Variants in HSF5 observed in about 807,000 individuals in gnomAD.
HSF5 encodes the protein heat shock factor protein 5.
HSF5 carries 5 observed loss-of-function variants against 50.8 expected under a neutral mutation model. That is an observed-to-expected ratio of 0.10 (90% CI 0.05 to 0.21). HSF5 has a LOEUF of 0.21. Ranked by LOEUF, HSF5 falls within the 10% of genes least tolerant of loss-of-function variation. The probability of loss-of-function intolerance (pLI) is 1.00; values close to 1 mark genes in which losing one functional copy is unlikely to be tolerated. For missense variants in HSF5, 564 were observed against 762.6 expected, an observed-to-expected ratio of 0.74 and a Z score of 3.07; for synonymous variants, 307 against 307.4, an observed-to-expected ratio of 1.00 and a Z score of 0.02.
At chr17:58,431,645 T>C (rs377686718) in intron 5 of HSF5, among the ~76,000 whole-genome samples, 4 of 152,318 alleles carry the variant, frequency 2.6e-5, no homozygotes, top group South Asian at 4.1e-4. Context: ...CAGAGCATGG[T>C]AATGAGATAT....
rs188691728 is a variant in HSF5, at chr17:58,420,379, T to G, written c.*1981A>C. ...TTGATAGATACAAGGCGTGTAAGGATAGCAGGAGATCCAGCTCCTTGGTCT... is the reference window on the plus strand; with the variant it reads ...TTGATAGATACAAGGCGTGTAAGGAGAGCAGGAGATCCAGCTCCTTGGTCT... On this transcript the variant is annotated 3_prime_UTR_variant, in exon 6 of 6. Coordinates refer to ENST00000323777, the MANE Select transcript of HSF5 (RefSeq NM_001080439.3). 3 of 152,334 alleles carry G rather than the reference T, an allele frequency of 2.0e-5. No individual in the cohort carries two copies. The highest frequency in any genetic ancestry group is 2.0e-4 in the Admixed American group (3 of 15,304). 9.4% of individuals were successfully genotyped at this position (152,334 alleles called of 1,614,324 possible).
At chr17:58,480,395 G>T in intron 1 of HSF5, 128 bp from the exon 2 acceptor site, 1 of 737,928 alleles carries the variant, frequency 1.4e-6, no homozygotes, top group East Asian at 3.1e-5. Context: ...GTTTAGGTTT[G>T]GTAAAAACAA....
At chr17:58,446,360 A>G (rs1460362967) in intron 5 of HSF5, among the ~76,000 whole-genome samples, 1 of 152,166 alleles carries the variant, frequency 6.6e-6, no homozygotes, top group Non-Finnish European at 1.5e-5. Flanking sequence ...CATTGCCCAG[A>G]GCACCCTACC....
chr17:58,466,763 G>T, intron 3 of HSF5, 122 bp downstream of exon 3: 1 of 648,966 alleles, frequency 1.5e-6, no homozygotes, highest in Non-Finnish European at 2.8e-6. Flanking sequence ...AGAAAACAAA[G>T]CCCATTAATC....
At chr17:58,487,040 T>G (rs1474018510) in intron 1 of HSF5, among the ~76,000 whole-genome samples, 2 of 151,796 alleles carry the variant, frequency 1.3e-5, no homozygotes, top group Non-Finnish European at 2.9e-5. Context: ...CCTAAGTAGC[T>G]GGGATTACAG....
chr17:58,471,575 C>T (rs984079102), intron 2 of HSF5, among the ~76,000 whole-genome samples: 1 of 151,750 alleles, frequency 6.6e-6, no homozygotes, highest in Non-Finnish European at 1.5e-5. Flanking sequence ...CCTAGAACTG[C>T]ATGCCAAAAT....
chr17:58,466,669 T>C (rs1485124614), intron 3 of HSF5, among the ~76,000 whole-genome samples: 2 of 152,184 alleles, frequency 1.3e-5, no homozygotes, highest in African/African-American at 2.4e-5. Flanking sequence ...ATGTGGCTAG[T>C]GGCTACTATA....
At chr17:58,442,837 A>C (rs763005141) in intron 5 of HSF5, among the ~76,000 whole-genome samples, 4 of 151,404 alleles carry the variant, frequency 2.6e-5, no homozygotes, top group Non-Finnish European at 5.9e-5. Context: ...TCCCAGATTC[A>C]AGTGATTCTC....
chr17:58,470,783 G>A (rs1348982231), intron 2 of HSF5, among the ~76,000 whole-genome samples: 2 of 152,058 alleles, frequency 1.3e-5, no homozygotes, highest in African/African-American at 2.4e-5. Context: ...TAAATTAGCC[G>A]GGTGTGGTGG....
rs35856760 is a variant in HSF5 at position 58,484,591 on chromosome 17, G to GA, written c.550+3133dup. On this transcript the variant is annotated intron_variant, in intron 1 of 5. Transcript: ENST00000323777. ...CTTATACCCACCAGACATGCAACCTGAAAAAAAAAAAATCCATGTCAGAGA... is the reference window on the plus strand; with the variant it reads ...CTTATACCCACCAGACATGCAACCTGAAAAAAAAAAAAATCCATGTCAGAGA... Among the ~76,000 whole-genome samples, 1,054 of 148,064 alleles carry GA rather than the reference G, an allele frequency of 7.1e-3. 7 individuals are homozygous for GA. The highest frequency in any genetic ancestry group is 0.025 in the African/African-American group (1,002 of 40,616).
At chr17:58,423,657 A>G (rs766614268) in intron 5 of HSF5, among the ~76,000 whole-genome samples, 6 of 151,468 alleles carry the variant, frequency 4.0e-5, no homozygotes, top group Non-Finnish European at 8.8e-5. Flanking sequence ...TTTTTTATAT[A>G]TTTAGTAGAG....
At chr17:58,460,764 C>T (rs957629065) in intron 4 of HSF5, among the ~76,000 whole-genome samples, 1 of 151,754 alleles carries the variant, frequency 6.6e-6, no homozygotes, top group South Asian at 2.1e-4. Flanking sequence ...CCGCCTCGGC[C>T]TCCCAAAGTG....
At position 58,462,888 on chromosome 17, in the gene HSF5, G is replaced by C; in HGVS notation, c.1436C>G (p.Ala479Gly). 1.2e-6 allele frequency: 2 copies of C among 1,614,136 alleles called. 1 individual carries two copies. The highest frequency in any genetic ancestry group is 2.2e-5 in the South Asian group (2 of 91,090). Reference protein sequence around the residue: ...PVENSTIQESAAIQQAHVKLK... With the variant: ...PVENSTIQESGAIQQAHVKLK... ...TTTGACATGAGCTTGCTGGATGGCTGCAGATTCCTGTATTGTGCTATTTTC... is the reference window on the plus strand; with the variant it reads ...TTTGACATGAGCTTGCTGGATGGCTCCAGATTCCTGTATTGTGCTATTTTC... Residue 479 changes from alanine to glycine, a missense_variant, in exon 4 of 6, where the codon GCA (alanine) becomes GGA (glycine). Physicochemically the swap from Ala to Gly is moderately conservative, Grantham distance 60. This residue lies in a region of HSF5 where 441 missense variants were observed against 533.6 expected (regional missense o/e 0.83). Transcript: ENST00000323777.
At chr17:58,445,464 C>T (rs529513538) in intron 5 of HSF5, among the ~76,000 whole-genome samples, 1 of 152,268 alleles carries the variant, frequency 6.6e-6, no homozygotes, top group African/African-American at 2.4e-5. Flanking sequence ...CACAGTGGCA[C>T]TATTCACAAT....
intron 3 of HSF5, among the ~76,000 whole-genome samples, chr17:58,463,847 C>T (rs1347764443): frequency 6.6e-6 from 1 of 152,132 alleles, no homozygotes; most frequent in African/African-American, 2.4e-5. Flanking sequence ...AATAACAAAG[C>T]AATAGACTAA....
chr17:58,443,423 C>T (rs1974522341), intron 5 of HSF5, among the ~76,000 whole-genome samples: 1 of 152,142 alleles, frequency 6.6e-6, no homozygotes, highest in African/African-American at 2.4e-5. Context: ...CCTACCAACG[C>T]TCTTCAGAAG....
chr17:58,425,312 C>A (rs925522430), intron 5 of HSF5, among the ~76,000 whole-genome samples: 6 of 151,562 alleles, frequency 4.0e-5, no homozygotes, highest in Admixed American at 3.3e-4. Context: ...GCAGGAGAAT[C>A]GGAAAATCGC....
chr17:58,473,198 AG>A (rs1247033803), intron 2 of HSF5, among the ~76,000 whole-genome samples: 1 of 152,186 alleles, frequency 6.6e-6, no homozygotes, highest in Non-Finnish European at 1.5e-5. Context: ...AAGTATTATA[AG>A]GATTAAATGA....
chr17:58,460,273 C>A (rs1427916937), intron 4 of HSF5, among the ~76,000 whole-genome samples: 3 of 152,150 alleles, frequency 2.0e-5, no homozygotes, highest in African/African-American at 7.2e-5. Flanking sequence ...CCCACCTCAG[C>A]TTCCAAAGGT....
Sources: gnomAD v4.1 joint callset for allele counts (sites outside exome capture counted in the v4.1 genomes callset) on GRCh38, gnomAD v4.1.1 for gene constraint, gnomAD v4.1.1 regional missense constraint, MANE v1.5 for transcripts, NCBI Gene and HGNC (gene_info 2026-07-23, HGNC 2026-07-21) for gene names.